The following NSUN4 variants were observed in gnomAD, a reference collection of about 807,000 sequenced individuals.
The protein encoded by NSUN4 is 5-cytosine rRNA methyltransferase NSUN4.
A neutral mutation model predicts 43.8 loss-of-function variants in NSUN4; 31 were observed. The ratio of observed to expected loss-of-function variants is 0.71; its 90% CI spans 0.53 to 0.96. The LOEUF is 0.96. Ranked by LOEUF, NSUN4 falls within the 40% of genes least tolerant of loss-of-function variation. The pLI is 0.00. For missense variants in NSUN4, 439 were observed against 475.6 expected, an observed-to-expected ratio of 0.92 and a Z score of 0.72; for synonymous variants, 167 against 184.1, an observed-to-expected ratio of 0.91 and a Z score of 0.75.
At position 46,346,992 on chromosome 1, in the gene NSUN4, G is replaced by A; in HGVS notation, c.509G>A (p.Gly170Asp). ...AASLLPVLAL[G>D]LQPGDIVLDL... ...TCCTTGCTGCCTGTTCTGGCCCTCG[G>A]CCTGCAGCCTGGGGACATCGTGCTT... The change falls in exon 3 of 6, where the codon GGC becomes GAC. Residue 170 changes from glycine (G) to aspartate (D), a missense_variant. Coordinates refer to ENST00000474844, the MANE Select transcript of NSUN4 (RefSeq NM_199044.4). 6.2e-7 allele frequency: 1 copy of A among 1,614,170 alleles called. No individual in the cohort carries two copies. The highest frequency in any genetic ancestry group is 8.5e-7 in the Non-Finnish European group (1 of 1,180,018).
chr1:46,376,096 T>TA, the NSUN4 span, among the ~76,000 whole-genome samples: 11,171 of 40,922 alleles, frequency 0.27, 3,015 homozygotes, highest in East Asian at 0.7. Flanking sequence ...AGAGCGAAAC[T>TA]AAAAAAAAAA....
chr1:46,380,188 C>A, the NSUN4 span, among the ~76,000 whole-genome samples: 2 of 152,208 alleles, frequency 1.3e-5, no homozygotes, highest in African/African-American at 4.8e-5. Flanking sequence ...GCCCTGCCCC[C>A]ACCTCAGAGG....
At chr1:46,374,754 C>T in the NSUN4 span, among the ~76,000 whole-genome samples, 7 of 151,960 alleles carry the variant, frequency 4.6e-5, no homozygotes, top group Non-Finnish European at 8.8e-5. Flanking sequence ...GTCCCAGCTA[C>T]TTGGGAGGAT....
At chr1:46,384,678 A>T in the NSUN4 span, among the ~76,000 whole-genome samples, 1 of 152,120 alleles carries the variant, frequency 6.6e-6, no homozygotes. Flanking sequence ...ATCCAGGAAC[A>T]ATGGCCCATG....
Position 46,360,111 on chromosome 1 carries a change from C to T in NSUN4, c.754-593C>T, listed in dbSNP as rs1056823722. Among the ~76,000 whole-genome samples, 17 of 149,248 alleles carry T rather than the reference C, an allele frequency of 1.1e-4. No individual in the cohort carries two copies. In the East Asian group the frequency reaches 3.2e-3, roughly 28 times the overall value. On this transcript the variant is annotated intron_variant, in intron 4 of 5. Transcript: ENST00000474844. ...GGGCATGGTGGCAGGCGCCTGTAGT[C>T]CCAGCTACTCGGGAGGCTGAGGCAG...
downstream of NSUN4, among the ~76,000 whole-genome samples, chr1:46,367,054 G>C (rs556040040): frequency 6.6e-6 from 1 of 152,230 alleles, no homozygotes; most frequent in South Asian, 2.1e-4. Context: ...AATTTCAGGG[G>C]CTTTGGTACT....
In NSUN4 at chr1:46,362,039, T is replaced by C. The variant is rs1663918774; in HGVS notation, c.*193T>C. 1.6e-6 allele frequency: 1 copy of C among 617,670 alleles called. No individual in the cohort carries two copies. The highest frequency in any genetic ancestry group is 1.8e-5 in the African/African-American group (1 of 54,146). 38.3% of individuals were successfully genotyped at this position (617,670 alleles called of 1,614,324 possible). A position where few individuals can be genotyped will look rare whatever the true frequency, so the allele number is the denominator to read the frequency against. On this transcript the variant is annotated 3_prime_UTR_variant, in exon 6 of 6. Coordinates refer to ENST00000474844, the MANE Select transcript of NSUN4 (RefSeq NM_199044.4). Reference sequence around the variant, plus strand: ...GTCCAATTGTGGAGCATCAGCAGGTTTCCAACTCACTCATTAACCCCTACC... The same window carrying C: ...GTCCAATTGTGGAGCATCAGCAGGTCTCCAACTCACTCATTAACCCCTACC...
At position 46,364,110 on chromosome 1, in the gene NSUN4, C is replaced by T. The variant is rs1212040286; in HGVS notation, c.*2264C>T. 1 of 144,040 alleles carries T rather than the reference C, an allele frequency of 6.9e-6. No homozygotes were observed. Among genetic ancestry groups the T allele is most frequent in the African/African-American group, 2.6e-5 (1 of 38,536 alleles). 8.9% of individuals were successfully genotyped at this position (144,040 alleles called of 1,614,324 possible). A position where few individuals can be genotyped will look rare whatever the true frequency, so the allele number is the denominator to read the frequency against. On this transcript the variant is annotated 3_prime_UTR_variant, in exon 6 of 6. Coordinates refer to ENST00000474844, the MANE Select transcript of NSUN4 (RefSeq NM_199044.4). The stretch of plus-strand genomic sequence containing the variant: ...CTTGATCCCAGGAATTCTAGATCAG[C>T]TTGGACAATGTAGTGAGACCTGGTC...
the NSUN4 span, among the ~76,000 whole-genome samples, chr1:46,372,444 C>T: frequency 4.6e-5 from 7 of 152,074 alleles, no homozygotes; most frequent in African/African-American, 1.7e-4. Context: ...CACCTGGCCG[C>T]CTTTTTACTA....
chr1:46,371,426 C>T, the NSUN4 span, among the ~76,000 whole-genome samples: 1 of 152,078 alleles, frequency 6.6e-6, no homozygotes, highest in Non-Finnish European at 1.5e-5. Context: ...CTGCCTCAGC[C>T]TCCCGAGTAG....
chr1:46,343,771 G>GC (rs1447910781), intron 1 of NSUN4: 7 of 400,720 alleles, frequency 1.7e-5, no homozygotes, highest in Admixed American at 8.8e-5. Context: ...CCCCAAATTA[G>GC]CAGAGGTCAG....
chr1:46,376,712 ATGTGTGTGTGTGTG>A, the NSUN4 span, among the ~76,000 whole-genome samples: 1 of 148,284 alleles, frequency 6.7e-6, no homozygotes, highest in African/African-American at 2.5e-5. Flanking sequence ...TTTAGAGAGC[ATGTGTGTGTGTGTG>A]TGTGTGTGTG....
chr1:46,341,252 T>G, intron 1 of NSUN4: 2 of 406,982 alleles, frequency 4.9e-6, no homozygotes, highest in Non-Finnish European at 6.1e-6. Flanking sequence ...TTTACTTCCC[T>G]CCCTCCCCTC....
intron 3 of NSUN4, 33 bp downstream of exon 3, chr1:46,347,108 G>C: frequency 6.2e-7 from 1 of 1,603,330 alleles, no homozygotes; most frequent in East Asian, 2.2e-5. Flanking sequence ...TGGGCAGAGA[G>C]AGCTCCCCAC....
At chr1:46,344,553 G>T (rs879697189) in intron 1 of NSUN4, among the ~76,000 whole-genome samples, 2 of 152,022 alleles carry the variant, frequency 1.3e-5, no homozygotes, top group Non-Finnish European at 2.9e-5. Context: ...TTTCTCCAAG[G>T]TCCCCCTTCT....
downstream of NSUN4, among the ~76,000 whole-genome samples, chr1:46,366,704 CAAAAA>C (rs34437222): frequency 4.8e-3 from 285 of 59,412 alleles, no homozygotes; most frequent in South Asian, 6.7e-3. Context: ...ACTAAAAATA[CAAAAA>C]AAAAAAAAAA....
chr1:46,351,774 C>G (rs1312443412), intron 3 of NSUN4, among the ~76,000 whole-genome samples: 2 of 150,900 alleles, frequency 1.3e-5, no homozygotes, highest in African/African-American at 4.9e-5. Context: ...ACGCCTTTCC[C>G]CTGCCTCAGC....
chr1:46,382,609 T>C, the NSUN4 span, among the ~76,000 whole-genome samples: 12 of 151,262 alleles, frequency 7.9e-5, no homozygotes, highest in African/African-American at 2.7e-4. Context: ...AATGCTTCTT[T>C]TTTTTTTTTT....
chr1:46,351,815 C>T (rs1001868023), intron 3 of NSUN4, among the ~76,000 whole-genome samples: 1 of 151,488 alleles, frequency 6.6e-6, no homozygotes, highest in African/African-American at 2.4e-5. Flanking sequence ...CAGGTACCCA[C>T]CCCCATGCCC....
Sources: allele counts gnomAD v4.1 joint callset (sites outside exome capture counted in the v4.1 genomes callset), GRCh38; gene constraint gnomAD v4.1.1; transcripts MANE v1.5; gene names NCBI Gene and HGNC (gene_info 2026-07-23, HGNC 2026-07-21).